Variants in SYNE1 observed in about 807,000 individuals in gnomAD.
SYNE1 encodes spectrin repeat containing nuclear envelope protein 1, also known as nesprin-1.
In SYNE1, 616 loss-of-function variants were observed where a neutral mutation model predicts 1,111.0. That is an observed-to-expected ratio of 0.55 (90% CI 0.52 to 0.59). SYNE1 has a LOEUF of 0.59. Among genes scored for constraint, SYNE1 ranks in the 20% least tolerant of loss-of-function variants. SYNE1 has a pLI of 0.00. For synonymous variants in SYNE1, 3,855 were observed against 3,825.8 expected, an observed-to-expected ratio of 1.01 and a Z score of -0.28; for missense variants, 10,006 against 10,417.0, an observed-to-expected ratio of 0.96 and a Z score of 1.72.
At chr6:152,203,552 C>CA (rs1428750152) in intron 126 of SYNE1, among the ~76,000 whole-genome samples, 6 of 152,154 alleles carry the variant, frequency 3.9e-5, no homozygotes, top group Admixed American at 1.3e-4. Context: ...GGTGTCAAAT[C>CA]ATGTTCCATC....
At chr6:152,307,263 A>G (rs904049247) in intron 91 of SYNE1, among the ~76,000 whole-genome samples, 2 of 152,216 alleles carry the variant, frequency 1.3e-5, no homozygotes, top group African/African-American at 4.8e-5. Flanking sequence ...TATATAAATG[A>G]AAATTATTAA....
At chr6:152,146,024 CAAAAAAAAAAAAAAAAA>C (rs57218606) in intron 137 of SYNE1, 1 of 49,668 alleles carries the variant, frequency 2.0e-5, no homozygotes, top group African/African-American at 8.2e-5. Flanking sequence ...GACTTCGTCT[CAAAAAAAAAAAAAAAAA>C]AAAAAAAAAG....
chr6:152,469,577 A>C (rs1177511065), intron 16 of SYNE1, among the ~76,000 whole-genome samples: 2 of 152,178 alleles, frequency 1.3e-5, no homozygotes, highest in East Asian at 3.8e-4. Flanking sequence ...GGTATGGACC[A>C]ATATTAAATT....
At chr6:152,317,987 C>CT in intron 86 of SYNE1, 94 bp downstream of exon 86, 1 of 1,530,664 alleles carries the variant, frequency 6.5e-7, no homozygotes, top group Non-Finnish European at 9.0e-7. Context: ...TCCATTTTAT[C>CT]TTTTTATTTA....
intron 42 of SYNE1, 90 bp downstream of exon 42, chr6:152,413,262 A>T: frequency 7.6e-7 from 1 of 1,308,164 alleles, no homozygotes; most frequent in Non-Finnish European, 1.1e-6. Flanking sequence ...ATATTTAACT[A>T]CTGATCACAT....
At chr6:152,369,242 G>A in intron 60 of SYNE1, 115 bp from the exon 61 acceptor site, 1 of 1,437,072 alleles carries the variant, frequency 7.0e-7, no homozygotes, top group Non-Finnish European at 9.5e-7. Flanking sequence ...GTACCCTGGA[G>A]GCTTTATTAT....
At chr6:152,141,007 C>A (rs1177507420) in intron 139 of SYNE1, among the ~76,000 whole-genome samples, 196 bp downstream of exon 139, 1 of 151,864 alleles carries the variant, frequency 6.6e-6, no homozygotes, top group Admixed American at 6.6e-5. Flanking sequence ...TGCACTCCAG[C>A]CTGGGCGACA....
In SYNE1 at chr6:152,140,066, C is replaced by T. The variant is rs139679692; in HGVS notation, c.25342G>A (p.Asp8448Asn). Residue 8448 changes from aspartate (D) to asparagine (N), a missense_variant, in exon 140 of 146, where the codon GAC becomes AAC. Physicochemically the swap from Asp to Asn is conservative, Grantham distance 23. Transcript: ENST00000367255. ...NLQKWQQFNS[D>N]LNSIWAWLGD... ...AGCCAGGCCCAGATGCTGTTCAAGT[C>T]TGAGTTAAACTGCTGCCACTTCTGG... 3.4e-4 allele frequency: 547 copies of T among 1,614,084 alleles called. 1 individual carries two copies. Among genetic ancestry groups the T allele is most frequent in the Non-Finnish European group, 4.4e-4 (519 of 1,180,050 alleles).
intron 131 of SYNE1, among the ~76,000 whole-genome samples, chr6:152,163,671 G>A (rs757352917): frequency 1.3e-5 from 2 of 152,180 alleles, no homozygotes; most frequent in African/African-American, 4.8e-5. Context: ...TGTGCGATCT[G>A]CAGGTCATGC....
chr6:152,305,155 G>C (rs942163716), intron 91 of SYNE1, among the ~76,000 whole-genome samples: 6 of 152,218 alleles, frequency 3.9e-5, no homozygotes, highest in African/African-American at 9.6e-5. Flanking sequence ...TGGTATTCAT[G>C]AGCAGGCTTT....
chr6:152,461,694 A>G lies in SYNE1; in HGVS notation c.2297T>C (p.Ile766Thr), dbSNP rs886061214. The change falls in exon 21 of 146, where the codon ATT becomes ACT. Residue 766 changes from isoleucine to threonine, a missense_variant. Physicochemically the swap from Ile to Thr is moderately conservative, Grantham distance 89 (BLOSUM62 -1). Transcript: ENST00000367255. ...GGTAATGAGGTGTGCTGTCTTTGTA[A>G]TTATCTTGTATTGGGCATCCATCAC... The part of the protein sequence containing the change: ...VPVMDAQYKI[I>T]TKTAHLITKE... 3.1e-6 allele frequency: 5 copies of G among 1,613,848 alleles called. No homozygotes were observed. The highest frequency in any genetic ancestry group is 4.2e-6 in the Non-Finnish European group (5 of 1,179,900).
intron 4 of SYNE1, among the ~76,000 whole-genome samples, chr6:152,533,562 AC>A (rs938501111): frequency 2.6e-5 from 4 of 152,034 alleles, no homozygotes; most frequent in African/African-American, 9.7e-5. Context: ...CCAGTATCCA[AC>A]CACCTCTCAT....
At chr6:152,443,212 C>T (rs894299971) in intron 30 of SYNE1, among the ~76,000 whole-genome samples, 1 of 151,922 alleles carries the variant, frequency 6.6e-6, no homozygotes, top group Non-Finnish European at 1.5e-5. Flanking sequence ...AATGGAAACC[C>T]AAAAAACCAT....
intron 139 of SYNE1, 26 bp downstream of exon 139, chr6:152,141,177 T>C (rs1181545899): frequency 1.9e-6 from 3 of 1,614,048 alleles, no homozygotes; most frequent in Non-Finnish European, 1.7e-6. Flanking sequence ...TTTCATTCAC[T>C]CTTGAACTGG....
chr6:152,152,512 C>T (rs193217004), intron 133 of SYNE1, among the ~76,000 whole-genome samples: 35 of 152,182 alleles, frequency 2.3e-4, no homozygotes, highest in African/African-American at 7.7e-4. Flanking sequence ...AAAATATACA[C>T]GTGTGTGTGG....
chr6:152,151,300 T>G (rs1030863325), intron 135 of SYNE1, among the ~76,000 whole-genome samples: 1 of 151,808 alleles, frequency 6.6e-6, no homozygotes, highest in Non-Finnish European at 1.5e-5. Flanking sequence ...TCAATCAAGC[T>G]GTTGAAAAAT....
At chr6:152,423,595 C>G (rs959571228) in intron 39 of SYNE1, among the ~76,000 whole-genome samples, 1 of 152,200 alleles carries the variant, frequency 6.6e-6, no homozygotes, top group Non-Finnish European at 1.5e-5. Flanking sequence ...ACAATATACT[C>G]TCTAGATAAT....
At chr6:152,630,222 A>G (rs1263988557) in intron 2 of SYNE1, among the ~76,000 whole-genome samples, 4 of 152,152 alleles carry the variant, frequency 2.6e-5, no homozygotes, top group Non-Finnish European at 4.4e-5. Context: ...AGCATTACTA[A>G]CTTAGCAAGA....
At chr6:152,577,264 CTT>C (rs538140875) in intron 3 of SYNE1, among the ~76,000 whole-genome samples, 3 of 152,294 alleles carry the variant, frequency 2.0e-5, no homozygotes, top group African/African-American at 7.2e-5. Flanking sequence ...ACAATTGCCA[CTT>C]TGCAAGAACT....
Sources: gnomAD v4.1 joint callset for allele counts (sites outside exome capture counted in the v4.1 genomes callset) on GRCh38, gnomAD v4.1.1 for gene constraint, MANE v1.5 for transcripts, NCBI Gene and HGNC (gene_info 2026-07-23, HGNC 2026-07-21) for gene names.